Variants in SGMS1 observed in about 807,000 individuals in gnomAD.
The protein encoded by SGMS1 is phosphatidylcholine:ceramide cholinephosphotransferase 1.
Under a neutral mutation model 46.2 loss-of-function variants are expected in SGMS1, and 13 were observed. That is an observed-to-expected ratio of 0.28 (90% CI 0.18 to 0.45). The LOEUF (loss-of-function observed/expected upper bound fraction) is 0.45, where lower values mean the gene tolerates loss of function less well. Among genes scored for constraint, SGMS1 ranks in the 20% least tolerant of loss-of-function variants. The probability of loss-of-function intolerance (pLI) is 1.00; values close to 1 mark genes in which losing one functional copy is unlikely to be tolerated. For missense variants in SGMS1, 324 were observed against 519.9 expected, an observed-to-expected ratio of 0.62 and a Z score of 3.66; for synonymous variants, 203 against 187.8, an observed-to-expected ratio of 1.08 and a Z score of -0.66.
At chr10:50,592,568 T>C (rs1838552030) in intron 1 of SGMS1, among the ~76,000 whole-genome samples, 2 of 152,148 alleles carry the variant, frequency 1.3e-5, no homozygotes, top group African/African-American at 4.8e-5. Flanking sequence ...TAGGTACACG[T>C]AGAATGAAGT....
At chr10:50,431,845 T>TG (rs1333429038) in intron 6 of SGMS1, among the ~76,000 whole-genome samples, 21 of 152,310 alleles carry the variant, frequency 1.4e-4, no homozygotes, top group African/African-American at 4.6e-4. Flanking sequence ...GTGAGCAGAA[T>TG]GACTGATCGC....
rs547607239 is a variant in SGMS1 at position 50,427,225 on chromosome 10, C to T, written c.-232+6251G>A. On this transcript the variant is annotated intron_variant, in intron 6 of 10. Coordinates refer to ENST00000361781, the MANE Select transcript of SGMS1 (RefSeq NM_147156.4). ...AATCCTGGCTAACATGTTGAAACCC[C>T]GTCTCTACTAAAAATACAAAAACAT... is the stretch of plus-strand genomic sequence containing the variant. 9.2e-5 allele frequency among the ~76,000 whole-genome samples: 14 copies of T among 152,158 alleles called. No homozygotes were observed. The South Asian group carries it at 2.7e-3, about 29-fold the overall frequency.
intron 2 of SGMS1, among the ~76,000 whole-genome samples, chr10:50,564,700 T>C (rs1455734404): frequency 1.3e-5 from 2 of 152,258 alleles, no homozygotes; most frequent in Non-Finnish European, 2.9e-5. Flanking sequence ...GTTCTACTCA[T>C]TGTCAAAATG....
At chr10:50,582,089 C>T (rs1838440250) in intron 2 of SGMS1, among the ~76,000 whole-genome samples, 1 of 152,204 alleles carries the variant, frequency 6.6e-6, no homozygotes, top group African/African-American at 2.4e-5. Flanking sequence ...ACTATTTTTC[C>T]TCAAAAGCAC....
chr10:50,557,317 CT>C (rs35054886), intron 2 of SGMS1, among the ~76,000 whole-genome samples: 1 of 152,084 alleles, frequency 6.6e-6, no homozygotes, highest in Non-Finnish European at 1.5e-5. Flanking sequence ...ACTCAATTAG[CT>C]TTTTGCTAGC....
chr10:50,356,371 G>A (rs1157585510), intron 6 of SGMS1, among the ~76,000 whole-genome samples: 2 of 152,148 alleles, frequency 1.3e-5, no homozygotes, highest in African/African-American at 4.8e-5. Flanking sequence ...TACTCCTTAA[G>A]AGTCATCACC....
At chr10:50,410,455 C>T (rs1395894547) in intron 6 of SGMS1, among the ~76,000 whole-genome samples, 8 of 152,152 alleles carry the variant, frequency 5.3e-5, no homozygotes, top group African/African-American at 1.9e-4. Flanking sequence ...AGTAAAAACT[C>T]GAGCTGAATA....
chr10:50,400,236 T>C (rs557271618), intron 6 of SGMS1, among the ~76,000 whole-genome samples: 2 of 151,842 alleles, frequency 1.3e-5, no homozygotes, highest in African/African-American at 4.8e-5. Flanking sequence ...ATTTAAAACC[T>C]AGCTCTTCTG....
intron 2 of SGMS1, among the ~76,000 whole-genome samples, chr10:50,539,614 A>G (rs1479445266): frequency 6.6e-6 from 1 of 152,236 alleles, no homozygotes; most frequent in Non-Finnish European, 1.5e-5. Context: ...ATTCTGATTC[A>G]GTAAGTTGTG....
intron 6 of SGMS1, among the ~76,000 whole-genome samples, chr10:50,357,946 T>TA (rs1156858872): frequency 6.6e-6 from 1 of 152,106 alleles, no homozygotes; most frequent in Non-Finnish European, 1.5e-5. Flanking sequence ...CTCTTAGACT[T>TA]ATAGTGAACC....
rs79387152 is a variant in SGMS1 at position 50,512,359 on chromosome 10, C to T, written c.-498+7472G>A. 9.3e-3 allele frequency among the ~76,000 whole-genome samples: 1,421 copies of T among 152,228 alleles called. 27 individuals carry two copies. Among genetic ancestry groups the T allele is most frequent in the African/African-American group, 0.033 (1,356 of 41,548 alleles). The stretch of plus-strand genomic sequence containing the variant: ...GAGAGAGAAAGGGCTCTCTCTCTGT[C>T]TTCATGACTTTGTTTATATGGACAT... On this transcript the variant is annotated intron_variant, in intron 3 of 10. Transcript: ENST00000361781.
At chr10:50,423,904 T>G (rs1016402445) in intron 6 of SGMS1, among the ~76,000 whole-genome samples, 1 of 152,234 alleles carries the variant, frequency 6.6e-6, no homozygotes, top group African/African-American at 2.4e-5. Context: ...CTCAATTTAA[T>G]CCATTTACCG....
At chr10:50,554,906 C>A (rs1377402862) in intron 2 of SGMS1, among the ~76,000 whole-genome samples, 2 of 152,186 alleles carry the variant, frequency 1.3e-5, no homozygotes, top group Non-Finnish European at 2.9e-5. Context: ...CTACTGCATT[C>A]TTTTTACCAA....
At chr10:50,603,662 G>C (rs1264662372) in intron 1 of SGMS1, among the ~76,000 whole-genome samples, 1 of 152,226 alleles carries the variant, frequency 6.6e-6, no homozygotes, top group Non-Finnish European at 1.5e-5. Flanking sequence ...ACACACTGCA[G>C]TCATCAAAGA....
upstream of SGMS1, chr10:50,625,019 C>T (rs944439991): frequency 3.3e-5 from 33 of 1,006,268 alleles, no homozygotes; most frequent in South Asian, 2.7e-4. Context: ...CCGTCCTCCC[C>T]CGCCACGCCC....
rs376312768 is a variant in SGMS1, at chr10:50,430,570, A to G, written c.-232+2906T>C. Among the ~76,000 whole-genome samples the G allele has an allele frequency of 2.0e-5, 3 of 152,050 alleles. No homozygotes were observed. The East Asian group carries it at 5.8e-4, about 29-fold the overall frequency. ...TTTTTGCATTCTAAAGTTCTATCCA[A>G]TTAGCAATGTTAACTTTTATAGTTT... On this transcript the variant is annotated intron_variant, in intron 6 of 10. Coordinates refer to ENST00000361781, the MANE Select transcript of SGMS1 (RefSeq NM_147156.4).
At chr10:50,363,264 G>A (rs1025302219) in intron 6 of SGMS1, among the ~76,000 whole-genome samples, 30 of 152,264 alleles carry the variant, frequency 2.0e-4, no homozygotes, top group African/African-American at 6.3e-4. Context: ...ACACGATTTC[G>A]GAAGTTGGGA....
intron 6 of SGMS1, among the ~76,000 whole-genome samples, chr10:50,381,492 CT>C (rs750424369): frequency 8.5e-5 from 13 of 152,116 alleles, no homozygotes; most frequent in Non-Finnish European, 1.5e-4. Context: ...CGTGAATTTT[CT>C]CTATCACTAT....
chr10:50,463,598 A>G (rs1013940259), intron 4 of SGMS1, among the ~76,000 whole-genome samples: 7 of 152,222 alleles, frequency 4.6e-5, no homozygotes, highest in Non-Finnish European at 8.8e-5. Flanking sequence ...TCGTACATCC[A>G]CTATGGAATA....
Sources: gnomAD v4.1 joint callset for allele counts (sites outside exome capture counted in the v4.1 genomes callset) on GRCh38, gnomAD v4.1.1 for gene constraint, MANE v1.5 for transcripts, NCBI Gene and HGNC (gene_info 2026-07-23, HGNC 2026-07-21) for gene names.